FSHR: variants seen among roughly 807,000 people sequenced by gnomAD.
FSHR encodes the protein follicle-stimulating hormone receptor.
FSHR carries 46 observed loss-of-function variants against 52.1 expected under a neutral mutation model. That is an observed-to-expected ratio of 0.88 (90% CI 0.70 to 1.13). The LOEUF (loss-of-function observed/expected upper bound fraction) is 1.13. Among genes scored for constraint, FSHR ranks in the 50% most tolerant of loss-of-function variants. The pLI is 0.00. For synonymous variants in FSHR, 399 were observed against 309.6 expected (o/e 1.29, Z -3.03); for missense variants, 964 against 834.6 (o/e 1.16, Z -1.91).
In FSHR at chr2:48,962,461, G is replaced by C. The variant is rs557833197; in HGVS notation, c.*272C>G. 1 of 415,286 alleles carries C rather than the reference G, an allele frequency of 2.4e-6. No individual in the cohort carries two copies. 25.7% of individuals were successfully genotyped at this position (415,286 alleles called of 1,614,324 possible). A position where few individuals can be genotyped will look rare whatever the true frequency, so the allele number is the denominator to read the frequency against. Reference sequence around the variant, plus strand: ...GATCACTTGAGATATCTGAACAAAAGCACTTTGAACATAACGTGCAAAAAT... The same window carrying C: ...GATCACTTGAGATATCTGAACAAAACCACTTTGAACATAACGTGCAAAAAT... On this transcript the variant is annotated 3_prime_UTR_variant, in exon 10 of 10. Transcript: ENST00000406846.
intron 3 of FSHR, 22 bp from the exon 4 acceptor site, chr2:49,017,585 G>A (rs774735687): frequency 1.3e-6 from 2 of 1,561,204 alleles, no homozygotes; most frequent in Non-Finnish European, 1.8e-6. Context: ...GAAAAAACAT[G>A]CTAGTGATCT....
intron 1 of FSHR, among the ~76,000 whole-genome samples, chr2:49,089,888 C>T (rs972328936): frequency 1.3e-5 from 2 of 152,118 alleles, no homozygotes; most frequent in African/African-American, 4.8e-5. Context: ...CTTTTCTAAT[C>T]CCGAACTGTG....
chr2:49,027,608 G>T (rs1246868908), intron 2 of FSHR, among the ~76,000 whole-genome samples: 1 of 152,176 alleles, frequency 6.6e-6, no homozygotes, highest in Non-Finnish European at 1.5e-5. Flanking sequence ...CCAGCACTTT[G>T]GGAGGCCGAG....
intron 1 of FSHR, among the ~76,000 whole-genome samples, chr2:49,095,755 C>G (rs1213161701): frequency 6.6e-6 from 1 of 152,118 alleles, no homozygotes; most frequent in African/African-American, 2.4e-5. Context: ...ATATGAAGAA[C>G]TGGTACAACC....
At chr2:49,075,440 AAAC>A (rs869160692) in intron 1 of FSHR, among the ~76,000 whole-genome samples, 5 of 111,926 alleles carry the variant, frequency 4.5e-5, no homozygotes, top group Non-Finnish European at 1.0e-4. Context: ...AAATAACAAT[AAAC>A]AAGATCAACA....
At chr2:48,991,159 G>A (rs115971870) in intron 4 of FSHR, among the ~76,000 whole-genome samples, 267 of 152,172 alleles carry the variant, frequency 1.8e-3, no homozygotes, top group African/African-American at 5.4e-3. Flanking sequence ...TTACCCTTAC[G>A]AGATGGTTAT....
chr2:48,999,539 T>C (rs1321404807), intron 4 of FSHR, among the ~76,000 whole-genome samples: 1 of 152,148 alleles, frequency 6.6e-6, no homozygotes, highest in East Asian at 1.9e-4. Context: ...AGAATTACTA[T>C]GTCCAAGTAA....
In FSHR at chr2:49,017,443, G is replaced by C. The variant is rs755772178; in HGVS notation, c.374+46C>G. The C allele has an allele frequency of 2.7e-5, 38 of 1,382,194 alleles. 1 individual carries two copies. The South Asian group carries it at 4.4e-4, about 16-fold the overall frequency. The allele number at this position is 1,382,194 out of a possible 1,614,324, so 85.6% of individuals were successfully genotyped here. A position where few individuals can be genotyped will look rare whatever the true frequency, so the allele number is the denominator to read the frequency against. On this transcript the variant is annotated intron_variant, in intron 4 of 9. Coordinates refer to ENST00000406846, the MANE Select transcript of FSHR (RefSeq NM_000145.4). Reference sequence around the variant, plus strand: ...GTAGGCCTTTTAGTAAAATAGGCTTGCACTATTTAATCATAGTGGGGGTAC... The same window carrying C: ...GTAGGCCTTTTAGTAAAATAGGCTTCCACTATTTAATCATAGTGGGGGTAC...
At chr2:48,974,479 C>T (rs1300741773) in intron 8 of FSHR, among the ~76,000 whole-genome samples, 1 of 152,108 alleles carries the variant, frequency 6.6e-6, no homozygotes. Context: ...TTGTCAGTGC[C>T]CTGGGATTGA....
At chr2:49,020,346 C>A (rs1007201127) in intron 2 of FSHR, among the ~76,000 whole-genome samples, 186 bp from the exon 3 acceptor site, 1 of 152,106 alleles carries the variant, frequency 6.6e-6, no homozygotes, top group Non-Finnish European at 1.5e-5. Context: ...ACTTACCGAA[C>A]AAGAGGAGAA....
chr2:49,145,931 A>G (rs1461128052), intron 1 of FSHR, among the ~76,000 whole-genome samples: 2 of 152,088 alleles, frequency 1.3e-5, no homozygotes, highest in Admixed American at 1.3e-4. Flanking sequence ...GTAGGGGAAT[A>G]TAAAACATAT....
In FSHR at chr2:48,985,697, G is replaced by GTTTT. The variant is rs70946839; in HGVS notation, c.525-2535_525-2532dup. Reference sequence around the variant, plus strand: ...TTCAGTTTCAGGGGAGCAAGTACAGGTTTTTTTTTTTTTTTTTTTTTTTTT... The same window carrying GTTTT: ...TTCAGTTTCAGGGGAGCAAGTACAGGTTTTTTTTTTTTTTTTTTTTTTTTTTTTT... On this transcript the variant is annotated intron_variant, in intron 6 of 9. Transcript: ENST00000406846. Among the ~76,000 whole-genome samples the GTTTT allele has an allele frequency of 6.7e-4, 67 of 99,576 alleles. 22 individuals are homozygous for GTTTT. Among genetic ancestry groups the GTTTT allele is most frequent in the African/African-American group, 1.0e-3 (24 of 23,910 alleles). The allele number at this position is 99,576 out of a possible 152,430, so 65.3% of individuals were successfully genotyped here. A position where few individuals can be genotyped will look rare whatever the true frequency, so the allele number is the denominator to read the frequency against.
At chr2:49,057,922 A>T (rs1669125649) in intron 2 of FSHR, among the ~76,000 whole-genome samples, 1 of 152,238 alleles carries the variant, frequency 6.6e-6, no homozygotes, top group South Asian at 2.1e-4. Flanking sequence ...GACAAAATTC[A>T]TATGACCATG....
At chr2:49,137,397 G>A (rs1405235236) in intron 1 of FSHR, among the ~76,000 whole-genome samples, 7 of 152,074 alleles carry the variant, frequency 4.6e-5, no homozygotes, top group Non-Finnish European at 1.0e-4. Context: ...ACTTAATATT[G>A]TTAAGATGGC....
chr2:49,135,154 G>T (rs900777949), intron 1 of FSHR, among the ~76,000 whole-genome samples: 3 of 151,956 alleles, frequency 2.0e-5, no homozygotes, highest in African/African-American at 4.8e-5. Context: ...TTCAACAATA[G>T]GAGATACACA....
intron 2 of FSHR, among the ~76,000 whole-genome samples, chr2:49,035,665 G>A (rs907396817): frequency 6.6e-6 from 1 of 152,166 alleles, no homozygotes; most frequent in Non-Finnish European, 1.5e-5. Flanking sequence ...TGAGAGAAGG[G>A]ACCTAAGAGA....
chr2:49,128,159 G>A (rs1910565), intron 1 of FSHR, among the ~76,000 whole-genome samples: 37,077 of 151,554 alleles, frequency 0.24, 4,927 homozygotes, highest in East Asian at 0.47. Flanking sequence ...AGGATTGCAG[G>A]CATGATCCAC....
At chr2:49,091,791 G>A (rs556286680) in intron 1 of FSHR, among the ~76,000 whole-genome samples, 5 of 152,132 alleles carry the variant, frequency 3.3e-5, no homozygotes, top group Non-Finnish European at 4.4e-5. Context: ...TTTATAGTAA[G>A]TCTTTAAATT....
chr2:48,977,852 G>A (rs553503364), intron 8 of FSHR, among the ~76,000 whole-genome samples: 1 of 152,278 alleles, frequency 6.6e-6, no homozygotes, highest in South Asian at 2.1e-4. Context: ...CTTGTGCCTG[G>A]AACTGGTGGG....
Sources: gnomAD v4.1 joint callset for allele counts (sites outside exome capture counted in the v4.1 genomes callset) on GRCh38, gnomAD v4.1.1 for gene constraint, MANE v1.5 for transcripts, NCBI Gene and HGNC (gene_info 2026-07-23, HGNC 2026-07-21) for gene names.